Variants in LRRTM4 observed in about 807,000 individuals in gnomAD.
The protein encoded by LRRTM4 is leucine rich repeat transmembrane neuronal 4, also known as leucine-rich repeat transmembrane neuronal protein 4.
LRRTM4 carries 25 observed loss-of-function variants against 47.6 expected under a neutral mutation model. That is an observed-to-expected ratio of 0.53 (90% CI 0.38 to 0.73). LRRTM4 has a LOEUF of 0.73. Among genes scored for constraint, LRRTM4 ranks in the 30% least tolerant of loss-of-function variants. The probability of loss-of-function intolerance (pLI) is 0.00; values close to 1 mark genes in which losing one functional copy is unlikely to be tolerated. For missense variants in LRRTM4, 638 were observed against 713.4 expected (o/e 0.89, Z 1.20); for synonymous variants, 311 against 269.5 (o/e 1.15, Z -1.51).
intron 3 of LRRTM4, among the ~76,000 whole-genome samples, chr2:76,854,045 A>T (rs1672073508): frequency 6.6e-6 from 1 of 152,156 alleles, no homozygotes; most frequent in African/African-American, 2.4e-5. Flanking sequence ...TTCCTTCAGT[A>T]GCAGTCACTC....
chr2:77,041,154 A>G (rs1379109445), intron 3 of LRRTM4, among the ~76,000 whole-genome samples: 1 of 151,482 alleles, frequency 6.6e-6, no homozygotes, highest in Non-Finnish European at 1.5e-5. Context: ...GATTCCACCT[A>G]TGAGTGAGAT....
intron 3 of LRRTM4, among the ~76,000 whole-genome samples, chr2:77,212,552 T>A (rs1674325445): frequency 6.8e-6 from 1 of 147,940 alleles, no homozygotes; most frequent in South Asian, 2.1e-4. Context: ...ATCTTGAGAA[T>A]ATATATATAT....
chr2:77,290,593 T>C (rs1258624635), intron 3 of LRRTM4, among the ~76,000 whole-genome samples: 1 of 152,042 alleles, frequency 6.6e-6, no homozygotes, highest in African/African-American at 2.4e-5. Flanking sequence ...ATGCTTGAGA[T>C]GATGGATATC....
At chr2:76,922,673 G>C (rs1050146814) in intron 3 of LRRTM4, among the ~76,000 whole-genome samples, 2 of 140,870 alleles carry the variant, frequency 1.4e-5, no homozygotes, top group Non-Finnish European at 3.0e-5. Context: ...TTAGGTATAA[G>C]ATAAACAAGT....
At chr2:77,449,338 T>C (rs1168405087) in intron 3 of LRRTM4, among the ~76,000 whole-genome samples, 1 of 152,188 alleles carries the variant, frequency 6.6e-6, no homozygotes, top group Non-Finnish European at 1.5e-5. Flanking sequence ...TTAGAGTCTT[T>C]GCATGCCATT....
intron 3 of LRRTM4, among the ~76,000 whole-genome samples, chr2:77,397,693 CTAAA>C (rs1673756115): frequency 6.6e-6 from 1 of 151,762 alleles, no homozygotes; most frequent in African/African-American, 2.4e-5. Flanking sequence ...TGATTCTATG[CTAAA>C]TAAATAGAGT....
intron 3 of LRRTM4, among the ~76,000 whole-genome samples, chr2:77,502,287 AT>A (rs1230586239): frequency 1.3e-5 from 2 of 151,402 alleles, no homozygotes; most frequent in Non-Finnish European, 3.0e-5. Context: ...AGTTATATAA[AT>A]TTTTTAAATT....
intron 3 of LRRTM4, among the ~76,000 whole-genome samples, chr2:77,358,171 C>T (rs573588368): frequency 6.6e-6 from 1 of 152,152 alleles, no homozygotes; most frequent in East Asian, 1.9e-4. Flanking sequence ...AACATCTGAG[C>T]CTGGGTAATT....
At position 77,518,412 on chromosome 2, in the gene LRRTM4, A is replaced by T; in HGVS notation, c.1457T>A (p.Val486Glu). 1 of 1,613,154 alleles carries T rather than the reference A, an allele frequency of 6.2e-7. No individual in the cohort carries two copies. The highest frequency in any genetic ancestry group is 8.5e-7 in the Non-Finnish European group (1 of 1,179,526). ...QMNSPLQEYYVDYKPTNSETM... is the reference protein window; with the variant it reads ...QMNSPLQEYYEDYKPTNSETM... ...CTCAGAGTTTGTAGGCTTGTAGTCCACATAATACTCCTGTAAAGGGGAATT... is the reference window on the plus strand; with the variant it reads ...CTCAGAGTTTGTAGGCTTGTAGTCCTCATAATACTCCTGTAAAGGGGAATT... The change falls in exon 3 of 4, where the codon GTG becomes GAG. Residue 486 changes from valine (V) to glutamate (E), a missense_variant. Coordinates refer to ENST00000409884, the MANE Select transcript of LRRTM4 (RefSeq NM_001134745.3).
intron 3 of LRRTM4, among the ~76,000 whole-genome samples, chr2:77,482,033 T>G (rs1013275980): frequency 5.9e-5 from 9 of 152,180 alleles, no homozygotes; most frequent in African/African-American, 2.2e-4. Context: ...ACCAGCTAGA[T>G]GAAGACAATA....
At chr2:76,947,126 A>C (rs1675347470) in intron 3 of LRRTM4, among the ~76,000 whole-genome samples, 2 of 151,938 alleles carry the variant, frequency 1.3e-5, no homozygotes, top group Non-Finnish European at 2.9e-5. Flanking sequence ...TTAAAATGTT[A>C]AGTGCCCTTG....
chr2:76,754,632 C>G (rs192080510), intron 3 of LRRTM4, among the ~76,000 whole-genome samples: 7 of 152,268 alleles, frequency 4.6e-5, no homozygotes, highest in Admixed American at 2.0e-4. Context: ...ACGTATTCCA[C>G]TTATGGTAGA....
intron 3 of LRRTM4, among the ~76,000 whole-genome samples, chr2:77,305,550 C>CT (rs1290403336): frequency 6.6e-6 from 1 of 152,070 alleles, no homozygotes; most frequent in Non-Finnish European, 1.5e-5. Flanking sequence ...GAATGAAGTG[C>CT]TTTAGGCACT....
rs1052827034 is a variant in LRRTM4, at chr2:77,340,636, G to A, written c.1551+177682C>T. On this transcript the variant is annotated intron_variant, in intron 3 of 3. Transcript: ENST00000409884. ...TTGGTAGGGATGGAATTATGAGCCA[G>A]GAATTCAAGTTAGTGTAGAAATAAA... 2.0e-5 allele frequency among the ~76,000 whole-genome samples: 3 copies of A among 152,022 alleles called. No individual in the cohort carries two copies. The East Asian group carries it at 5.8e-4, about 29-fold the overall frequency.
chr2:77,042,143 C>T (rs990938744), intron 3 of LRRTM4, among the ~76,000 whole-genome samples: 2 of 151,410 alleles, frequency 1.3e-5, no homozygotes, highest in African/African-American at 4.8e-5. Context: ...AGTATTATAT[C>T]ACTCTTAATT....
At chr2:77,298,005 G>A (rs758697179) in intron 3 of LRRTM4, among the ~76,000 whole-genome samples, 14 of 152,140 alleles carry the variant, frequency 9.2e-5, no homozygotes, top group Non-Finnish European at 1.9e-4. Context: ...TTCGAATTAA[G>A]CATGATGGAT....
chr2:76,762,236 T>C (rs530397019), intron 3 of LRRTM4, among the ~76,000 whole-genome samples: 1 of 152,304 alleles, frequency 6.6e-6, no homozygotes, highest in East Asian at 1.9e-4. Context: ...TGAAGCTAAA[T>C]TGAATATCCA....
At chr2:76,769,812 A>G (rs1319727434) in intron 3 of LRRTM4, among the ~76,000 whole-genome samples, 2 of 152,224 alleles carry the variant, frequency 1.3e-5, no homozygotes, top group Admixed American at 1.3e-4. Flanking sequence ...TGTATTTTTC[A>G]TAGGAAAAAT....
chr2:77,077,144 G>C (rs534992448), intron 3 of LRRTM4, among the ~76,000 whole-genome samples: 24 of 152,208 alleles, frequency 1.6e-4, no homozygotes, highest in African/African-American at 5.5e-4. Context: ...ATTCTATAGA[G>C]GTAGAATAAA....
Sources: allele counts gnomAD v4.1 joint callset (sites outside exome capture counted in the v4.1 genomes callset), GRCh38; gene constraint gnomAD v4.1.1; transcripts MANE v1.5; gene names NCBI Gene and HGNC (gene_info 2026-07-23, HGNC 2026-07-21).